The following DPYD variants were observed in gnomAD, a reference collection of about 807,000 sequenced individuals.
The protein encoded by DPYD is dihydropyrimidine dehydrogenase [NADP(+)].
A neutral mutation model predicts 116.2 loss-of-function variants in DPYD; 109 were observed. The ratio of observed to expected loss-of-function variants is 0.94; its 90% CI spans 0.80 to 1.10. The LOEUF (loss-of-function observed/expected upper bound fraction) is 1.10. Among genes scored for constraint, DPYD ranks in the 50% least tolerant of loss-of-function variants. The probability of loss-of-function intolerance (pLI) is 0.00; values close to 1 mark genes in which losing one functional copy is unlikely to be tolerated. For missense variants in DPYD, 1,302 were observed against 1,254.5 expected (o/e 1.04, Z -0.57); for synonymous variants, 440 against 432.0 (o/e 1.02, Z -0.23).
chr1:97,170,955 G>A (rs1313817140), intron 20 of DPYD, among the ~76,000 whole-genome samples: 4 of 152,102 alleles, frequency 2.6e-5, no homozygotes, highest in Admixed American at 6.5e-5. Context: ...TTACAGGCAT[G>A]AGCCACCGTG....
intron 13 of DPYD, among the ~76,000 whole-genome samples, chr1:97,511,094 G>A (rs1408447723): frequency 6.6e-6 from 1 of 151,896 alleles, no homozygotes; most frequent in African/African-American, 2.4e-5. Context: ...GACACCCTGT[G>A]AAGTAGGAGA....
At chr1:97,270,628 T>C (rs1005703318) in intron 18 of DPYD, among the ~76,000 whole-genome samples, 1 of 152,162 alleles carries the variant, frequency 6.6e-6, no homozygotes, top group Non-Finnish European at 1.5e-5. Flanking sequence ...GAAAAATGTT[T>C]GTCTCAAATG....
At chr1:97,206,687 T>TATATATATAAAA (rs539927395) in intron 19 of DPYD, among the ~76,000 whole-genome samples, 1 of 71,584 alleles carries the variant, frequency 1.4e-5, no homozygotes, top group Non-Finnish European at 2.9e-5. Context: ...TATATATATA[T>TATATATATAAAA]AATCTATATG....
At chr1:97,813,151 C>A (rs764817496) in intron 3 of DPYD, among the ~76,000 whole-genome samples, 1 of 152,084 alleles carries the variant, frequency 6.6e-6, no homozygotes, top group South Asian at 2.1e-4. Flanking sequence ...TCCTCATATG[C>A]AATCATCTAC....
At chr1:97,636,193 C>T (rs191632513) in intron 8 of DPYD, among the ~76,000 whole-genome samples, 2 of 152,014 alleles carry the variant, frequency 1.3e-5, no homozygotes, top group Non-Finnish European at 1.5e-5. Context: ...TGGCTTCATT[C>T]CCATCTCTCA....
intron 8 of DPYD, among the ~76,000 whole-genome samples, chr1:97,616,213 A>C (rs1656258681): frequency 6.6e-6 from 1 of 152,016 alleles, no homozygotes; most frequent in Non-Finnish European, 1.5e-5. Context: ...TCTGCCTAGG[A>C]CATACTAGGT....
intron 18 of DPYD, among the ~76,000 whole-genome samples, chr1:97,257,213 T>C (rs1474993919): frequency 3.3e-5 from 5 of 151,842 alleles, no homozygotes; most frequent in Non-Finnish European, 7.4e-5. Flanking sequence ...AAATAATAGG[T>C]TGGATAATAT....
intron 19 of DPYD, among the ~76,000 whole-genome samples, chr1:97,225,041 C>T (rs1661038467): frequency 6.6e-6 from 1 of 151,404 alleles, no homozygotes; most frequent in South Asian, 2.1e-4. Flanking sequence ...ATCTATCTAT[C>T]TATCTATCTA....
chr1:97,640,400 C>G (rs961077827), intron 8 of DPYD, among the ~76,000 whole-genome samples: 2 of 152,036 alleles, frequency 1.3e-5, no homozygotes, highest in African/African-American at 4.8e-5. Flanking sequence ...ACTCCGCCTC[C>G]CAGGTTCAAG....
chr1:97,417,720 T>C (rs760016896), intron 14 of DPYD, among the ~76,000 whole-genome samples: 23 of 152,214 alleles, frequency 1.5e-4, no homozygotes, highest in Admixed American at 5.2e-4. Context: ...ACCTAGAACA[T>C]TGAGTCCCAT....
intron 20 of DPYD, among the ~76,000 whole-genome samples, chr1:97,127,470 C>T (rs1022508474): frequency 2.0e-5 from 3 of 152,130 alleles, no homozygotes; most frequent in Non-Finnish European, 2.9e-5. Context: ...CTGTACCTAA[C>T]TCCTTTTTCT....
At chr1:97,812,516 G>A (rs1480232059) in intron 3 of DPYD, among the ~76,000 whole-genome samples, 1 of 152,034 alleles carries the variant, frequency 6.6e-6, no homozygotes, top group African/African-American at 2.4e-5. Flanking sequence ...ACATTTTTAA[G>A]ACTGAGTACC....
chr1:97,863,763 C>G (rs1671237568), intron 2 of DPYD, among the ~76,000 whole-genome samples: 1 of 151,540 alleles, frequency 6.6e-6, no homozygotes, highest in Non-Finnish European at 1.5e-5. Context: ...TTTAAAAAAC[C>G]CTTCAAACTA....
chr1:97,368,750 C>T (rs537900848), intron 16 of DPYD, among the ~76,000 whole-genome samples: 1 of 152,300 alleles, frequency 6.6e-6, no homozygotes, highest in South Asian at 2.1e-4. Context: ...AAGATATATA[C>T]TGGTCAAATT....
intron 12 of DPYD, among the ~76,000 whole-genome samples, chr1:97,524,411 A>T (rs530164615): frequency 6.6e-6 from 1 of 152,168 alleles, no homozygotes; most frequent in Non-Finnish European, 1.5e-5. Context: ...CCCTAATTCC[A>T]TGACTTTGTG....
intron 2 of DPYD, among the ~76,000 whole-genome samples, chr1:97,867,352 C>T (rs926798048): frequency 1.0e-3 from 155 of 151,864 alleles, no homozygotes; most frequent in Non-Finnish European, 2.9e-4. Flanking sequence ...AAAGGAAGAA[C>T]CATATGAATA....
chr1:97,272,716 G>C (rs964480073), intron 18 of DPYD, among the ~76,000 whole-genome samples: 9 of 152,016 alleles, frequency 5.9e-5, no homozygotes, highest in African/African-American at 2.2e-4. Context: ...CTCAGTTCAA[G>C]CTTTTTTTCT....
chr1:97,595,313 A>G (rs1180803480), intron 8 of DPYD, 147 bp from the exon 9 acceptor site: 1 of 633,582 alleles, frequency 1.6e-6, no homozygotes. Context: ...AAATGTACAT[A>G]ATACAGTCTA....
intron 13 of DPYD, among the ~76,000 whole-genome samples, chr1:97,488,693 A>G (rs961969181): frequency 6.6e-6 from 1 of 152,164 alleles, no homozygotes; most frequent in African/African-American, 2.4e-5. Flanking sequence ...GCAGCTTTCC[A>G]CAAGACAAGA....
Sources: gnomAD v4.1 joint callset for allele counts (sites outside exome capture counted in the v4.1 genomes callset) on GRCh38, gnomAD v4.1.1 for gene constraint, MANE v1.5 for transcripts, NCBI Gene and HGNC (gene_info 2026-07-23, HGNC 2026-07-21) for gene names.